FAM227A: variants seen among roughly 807,000 people sequenced by gnomAD.
FAM227A encodes protein FAM227A.
A neutral mutation model predicts 74.7 loss-of-function variants in FAM227A; 80 were observed. The ratio of observed to expected loss-of-function variants is 1.07; its 90% CI spans 0.89 to 1.29. The LOEUF (loss-of-function observed/expected upper bound fraction) is 1.29, where lower values mean the gene tolerates loss of function less well. FAM227A is among the 50% of genes most tolerant of loss of function. FAM227A has a pLI of 0.00. For missense variants in FAM227A, 654 were observed against 683.4 expected (o/e 0.96, Z 0.48); for synonymous variants, 237 against 241.8 (o/e 0.98, Z 0.19).
intron 2 of FAM227A, among the ~76,000 whole-genome samples, chr22:38,648,922 A>T (rs1226095321): frequency 6.6e-6 from 1 of 151,186 alleles, no homozygotes; most frequent in Non-Finnish European, 1.5e-5. Flanking sequence ...CAGTGAGCCG[A>T]GTCTATGCCA....
At position 38,597,334 on chromosome 22, in the gene FAM227A, C is replaced by G; in HGVS notation, c.1402G>C (p.Asp468His). 1 of 1,551,824 alleles carries G rather than the reference C, an allele frequency of 6.4e-7. No homozygotes were observed. Among genetic ancestry groups the G allele is most frequent in the Non-Finnish European group, 8.7e-7 (1 of 1,147,034 alleles). ...STPDCTPTYT[D>H]VISETLCSMK... ...CTGCACAGGGTCTCGCTGATGACATCAGTATACGTTGGGGTGCAGTCAGTG... is the reference window on the plus strand; with the variant it reads ...CTGCACAGGGTCTCGCTGATGACATGAGTATACGTTGGGGTGCAGTCAGTG... Residue 468 changes from aspartate (D) to histidine (H), a missense_variant, in exon 15 of 17, where the codon GAT becomes CAT. Physicochemically the swap from Asp to His is moderately conservative, Grantham distance 81 (BLOSUM62 -1). Transcript: ENST00000535113.
chr22:38,605,530 TC>T (rs2091265695), intron 12 of FAM227A, among the ~76,000 whole-genome samples, 182 bp from the exon 13 acceptor site: 1 of 152,190 alleles, frequency 6.6e-6, no homozygotes, highest in Admixed American at 6.5e-5. Flanking sequence ...ACTCAAGTGA[TC>T]TGCCCACCTT....
intron 15 of FAM227A, among the ~76,000 whole-genome samples, chr22:38,591,835 G>C (rs189601681): frequency 6.6e-6 from 1 of 152,188 alleles, no homozygotes; most frequent in Non-Finnish European, 1.5e-5. Flanking sequence ...GAGCAACCCT[G>C]CCCTGATGTC....
At chr22:38,640,536 C>T (rs1258144831) in intron 3 of FAM227A, among the ~76,000 whole-genome samples, 1 of 152,132 alleles carries the variant, frequency 6.6e-6, no homozygotes, top group Non-Finnish European at 1.5e-5. Flanking sequence ...AAAATGAATG[C>T]TAGTGACCCA....
chr22:38,585,579 TC>T lies in FAM227A; in HGVS notation c.*545del, dbSNP rs911644736. 2 of 152,898 alleles carry T rather than the reference TC, an allele frequency of 1.3e-5. No individual in the cohort carries two copies. The highest frequency in any genetic ancestry group is 4.8e-5 in the African/African-American group (2 of 41,438). 9.5% of individuals were successfully genotyped at this position (152,898 alleles called of 1,614,324 possible). A position where few individuals can be genotyped will look rare whatever the true frequency, so the allele number is the denominator to read the frequency against. On this transcript the variant is annotated 3_prime_UTR_variant, in exon 17 of 17. Transcript: ENST00000535113. ...CAAAGCTTGTTACAAAAAATTGCACTCCTCTAGGCCCATTTTCCTTTTCCCT... is the reference window on the plus strand; with the variant it reads ...CAAAGCTTGTTACAAAAAATTGCACTCTCTAGGCCCATTTTCCTTTTCCCT...
chr22:38,605,258 T>C lies in FAM227A; in HGVS notation c.1217A>G (p.Lys406Arg). 1 of 1,540,018 alleles carries C rather than the reference T, an allele frequency of 6.5e-7. No homozygotes were observed. Among genetic ancestry groups the C allele is most frequent in the Non-Finnish European group, 8.8e-7 (1 of 1,136,010 alleles). The change falls in exon 13 of 17, where the codon AAA becomes AGA. Residue 406 changes from lysine (K) to arginine (R), a missense_variant. Coordinates refer to ENST00000535113, the MANE Select transcript of FAM227A (RefSeq NM_001013647.2). ...AATTTCCAATCATGTGCTCACCTTTTTAGGAAACATATTCTCACATTCTCT... is the reference window on the plus strand; with the variant it reads ...AATTTCCAATCATGTGCTCACCTTTCTAGGAAACATATTCTCACATTCTCT... ...EARECENMFPKKSCAACKSPE... is the reference protein window; with the variant it reads ...EARECENMFPRKSCAACKSPE...
At chr22:38,613,093 T>TATATA (rs2091456616) in intron 11 of FAM227A, among the ~76,000 whole-genome samples, 3 of 96,026 alleles carry the variant, frequency 3.1e-5, no homozygotes, top group African/African-American at 1.4e-4. Flanking sequence ...TATATATATA[T>TATATA]ATTATATATA....
intron 11 of FAM227A, among the ~76,000 whole-genome samples, chr22:38,608,155 CAA>C (rs35387385): frequency 0.055 from 4,194 of 76,806 alleles, 48 homozygotes; most frequent in South Asian, 0.092. Flanking sequence ...CTTTTCTCTA[CAA>C]AAAAAAAAAA....
chr22:38,602,548 C>T (rs776251199), intron 13 of FAM227A, among the ~76,000 whole-genome samples: 14 of 152,214 alleles, frequency 9.2e-5, no homozygotes, highest in Admixed American at 5.9e-4. Flanking sequence ...AAAATCTACA[C>T]GACTCTAAGT....
chr22:38,653,791 T>C (rs2092353684), intron 1 of FAM227A: 1 of 152,146 alleles, frequency 6.6e-6, no homozygotes, highest in Non-Finnish European at 1.5e-5. Flanking sequence ...GATGAAATGA[T>C]TATTTACTGA....
chr22:38,640,255 G>C (rs1173854183), intron 3 of FAM227A, among the ~76,000 whole-genome samples: 1 of 152,086 alleles, frequency 6.6e-6, no homozygotes, highest in Non-Finnish European at 1.5e-5. Context: ...GGATGGTCTT[G>C]ATCTCCTGAC....
rs192766335 is a variant in FAM227A at position 38,643,159 on chromosome 22, A to G, written c.225+2404T>C. On this transcript the variant is annotated intron_variant, in intron 3 of 16. Coordinates refer to ENST00000535113, the MANE Select transcript of FAM227A (RefSeq NM_001013647.2). ...GTGAAACCCAGTCTCTACTAAAAAT[A>G]CAAAAAATGAGACGGGAGTGGTGGT... is the stretch of plus-strand genomic sequence containing the variant. Among the ~76,000 whole-genome samples the G allele has an allele frequency of 5.3e-5, 8 of 151,928 alleles. No homozygotes were observed. The East Asian group carries it at 1.6e-3, about 30-fold the overall frequency.
intron 2 of FAM227A, among the ~76,000 whole-genome samples, chr22:38,648,590 G>A (rs1477213280): frequency 6.7e-6 from 1 of 149,002 alleles, no homozygotes; most frequent in East Asian, 2.0e-4. Flanking sequence ...CCGGGCGACA[G>A]AGTGAGACTC....
intron 16 of FAM227A, among the ~76,000 whole-genome samples, chr22:38,587,908 T>C (rs959644135): frequency 3.3e-5 from 5 of 152,166 alleles, no homozygotes; most frequent in African/African-American, 1.2e-4. Context: ...CAGTGAAACA[T>C]AAATCGATCA....
chr22:38,603,579 T>G (rs2091221996), intron 13 of FAM227A, among the ~76,000 whole-genome samples: 1 of 152,110 alleles, frequency 6.6e-6, no homozygotes, highest in African/African-American at 2.4e-5. Context: ...CATTCTTCCA[T>G]ATACACAAAT....
At chr22:38,639,390 CAG>C (rs1302773295) in intron 4 of FAM227A, among the ~76,000 whole-genome samples, 1 of 142,274 alleles carries the variant, frequency 7.0e-6, no homozygotes, top group African/African-American at 2.7e-5. Context: ...GCCTGGGAGA[CAG>C]AGCGAGACTC....
chr22:38,617,203 C>A (rs1018288564), intron 11 of FAM227A, among the ~76,000 whole-genome samples: 14 of 151,468 alleles, frequency 9.2e-5, no homozygotes, highest in African/African-American at 2.9e-4. Context: ...GTTGTTGTAT[C>A]TATTTTATAC....
intron 6 of FAM227A, among the ~76,000 whole-genome samples, chr22:38,629,960 A>G (rs2091884562): frequency 7.4e-6 from 1 of 135,642 alleles, no homozygotes; most frequent in Non-Finnish European, 1.6e-5. Context: ...CCTCTCCTTT[A>G]CCATCAGGAA....
intron 5 of FAM227A, among the ~76,000 whole-genome samples, chr22:38,636,984 G>A (rs1480054424): frequency 6.6e-6 from 1 of 151,778 alleles, no homozygotes; most frequent in African/African-American, 2.4e-5. Context: ...AAAACTGTTG[G>A]CCAGGCTGGT....
Sources: allele counts gnomAD v4.1 joint callset (sites outside exome capture counted in the v4.1 genomes callset), GRCh38; gene constraint gnomAD v4.1.1; transcripts MANE v1.5; gene names NCBI Gene and HGNC (gene_info 2026-07-23, HGNC 2026-07-21).